The following KPNA3 variants were observed in gnomAD, a reference collection of about 807,000 sequenced individuals.
The protein encoded by KPNA3 is karyopherin subunit alpha 3.
In KPNA3, 13 loss-of-function variants were observed where a neutral mutation model predicts 73.8. The observed-to-expected ratio is 0.18, with a 90% confidence interval of 0.11 to 0.28. The LOEUF is 0.28. KPNA3 is among the 10% of genes least tolerant of loss of function. The pLI is 1.00. For missense variants in KPNA3, 360 were observed against 618.1 expected, an observed-to-expected ratio of 0.58 and a Z score of 4.43; for synonymous variants, 186 against 206.9, an observed-to-expected ratio of 0.90 and a Z score of 0.87.
At chr13:49,791,666 G>A (rs562854153) in intron 1 of KPNA3, among the ~76,000 whole-genome samples, 1 of 152,134 alleles carries the variant, frequency 6.6e-6, no homozygotes. Flanking sequence ...CTCCAAGAAA[G>A]GCTAAGAAAA....
chr13:49,745,216 G>C (rs986474270), intron 2 of KPNA3, among the ~76,000 whole-genome samples: 2 of 152,120 alleles, frequency 1.3e-5, no homozygotes, highest in Admixed American at 6.5e-5. Flanking sequence ...GAGCTACCTA[G>C]CCCGTGTATG....
intron 6 of KPNA3, among the ~76,000 whole-genome samples, chr13:49,730,619 T>C (rs544914299): frequency 2.0e-5 from 3 of 150,560 alleles, no homozygotes; most frequent in East Asian, 3.9e-4. Context: ...TATTTTATTT[T>C]ATTTTTATTA....
intron 1 of KPNA3, among the ~76,000 whole-genome samples, chr13:49,788,838 C>A (rs1315160701): frequency 1.3e-5 from 2 of 151,354 alleles, no homozygotes; most frequent in Non-Finnish European, 1.5e-5. Context: ...TACCCAAGCT[C>A]CAAATTTCTA....
At chr13:49,751,726 C>A (rs1380826179) in intron 1 of KPNA3, among the ~76,000 whole-genome samples, 1 of 152,112 alleles carries the variant, frequency 6.6e-6, no homozygotes, top group Non-Finnish European at 1.5e-5. Context: ...CTGTGCAACA[C>A]AGTGAGACCT....
At chr13:49,716,600 AG>A (rs1954306337) in intron 10 of KPNA3, among the ~76,000 whole-genome samples, 1 of 151,890 alleles carries the variant, frequency 6.6e-6, no homozygotes, top group Non-Finnish European at 1.5e-5. Flanking sequence ...CATGATGCCC[AG>A]CTAATTTTTG....
chr13:49,753,630 T>C (rs1045111215), intron 1 of KPNA3, among the ~76,000 whole-genome samples: 6 of 152,178 alleles, frequency 3.9e-5, no homozygotes, highest in Non-Finnish European at 4.4e-5. Context: ...ATATAGCCTG[T>C]TAGGAGCCAG....
At chr13:49,769,078 T>C (rs1268634763) in intron 1 of KPNA3, among the ~76,000 whole-genome samples, 2 of 152,188 alleles carry the variant, frequency 1.3e-5, no homozygotes, top group Admixed American at 1.3e-4. Flanking sequence ...TTTTGATCAC[T>C]CTCCAGTACC....
chr13:49,710,815 A>G (rs1954253307), intron 11 of KPNA3, 76 bp downstream of exon 11: 2 of 1,270,640 alleles, frequency 1.6e-6, no homozygotes, highest in Non-Finnish European at 2.2e-6. Flanking sequence ...AGATAGAATT[A>G]AAGCCTAGCT....
chr13:49,743,107 A>G (rs1263337432), intron 2 of KPNA3, among the ~76,000 whole-genome samples: 3 of 152,156 alleles, frequency 2.0e-5, no homozygotes, highest in Non-Finnish European at 4.4e-5. Flanking sequence ...CTTACAATCT[A>G]AGGGAAAATG....
chr13:49,760,803 T>C (rs985579088), intron 1 of KPNA3, among the ~76,000 whole-genome samples: 1 of 152,136 alleles, frequency 6.6e-6, no homozygotes, highest in African/African-American at 2.4e-5. Context: ...AGTAGACTGA[T>C]AGGGGAAGTT....
At chr13:49,768,567 ATTTTTTTTTTTTTTTT>A (rs67753113) in intron 1 of KPNA3, among the ~76,000 whole-genome samples, 1 of 64,888 alleles carries the variant, frequency 1.5e-5, no homozygotes, top group African/African-American at 6.2e-5. Context: ...GGGTTAATCA[ATTTTTTTTTTTTTTTT>A]TTTTTTTTTT....
intron 7 of KPNA3, among the ~76,000 whole-genome samples, chr13:49,723,767 G>A (rs1954382463): frequency 6.6e-6 from 1 of 151,052 alleles, no homozygotes; most frequent in African/African-American, 2.4e-5. Context: ...CTACTTGGGA[G>A]GGTGAGGCAG....
At chr13:49,720,778 G>T (rs986877582) in intron 9 of KPNA3, among the ~76,000 whole-genome samples, 5 of 150,272 alleles carry the variant, frequency 3.3e-5, no homozygotes, top group Non-Finnish European at 7.4e-5. Flanking sequence ...GTGAATAAAG[G>T]TTATGTAGGA....
At chr13:49,711,708 G>A (rs942939081) in intron 10 of KPNA3, among the ~76,000 whole-genome samples, 30 of 152,120 alleles carry the variant, frequency 2.0e-4, no homozygotes, top group African/African-American at 3.4e-4. Flanking sequence ...GCTTGGTGTC[G>A]TCACAGAGGA....
intron 1 of KPNA3, among the ~76,000 whole-genome samples, chr13:49,769,745 T>G (rs1284778301): frequency 6.6e-6 from 1 of 152,222 alleles, no homozygotes; most frequent in African/African-American, 2.4e-5. Flanking sequence ...CAAGCATTCA[T>G]GTACGTGTTT....
chr13:49,761,235 C>G (rs1232991700), intron 1 of KPNA3, among the ~76,000 whole-genome samples: 1 of 151,642 alleles, frequency 6.6e-6, no homozygotes, highest in African/African-American at 2.4e-5. Flanking sequence ...GTCTCCCTCT[C>G]CCTCTCCCCA....
intron 1 of KPNA3, among the ~76,000 whole-genome samples, chr13:49,777,887 A>C (rs1297361260): frequency 2.6e-5 from 4 of 152,182 alleles, no homozygotes; most frequent in Non-Finnish European, 5.9e-5. Context: ...TCTACTCATA[A>C]TAACTTATAA....
At chr13:49,705,073 G>A (rs1184671444) in intron 15 of KPNA3, among the ~76,000 whole-genome samples, 1 of 152,064 alleles carries the variant, frequency 6.6e-6, no homozygotes, top group African/African-American at 2.4e-5. Context: ...AAAATGCAAT[G>A]TCAGGCCAGG....
At chr13:49,741,662 C>T (rs768034372) in intron 2 of KPNA3, among the ~76,000 whole-genome samples, 64 of 152,140 alleles carry the variant, frequency 4.2e-4, no homozygotes, top group Non-Finnish European at 6.9e-4. Context: ...ACCCGTGTTA[C>T]CCAGGATGGT....
Sources: gnomAD v4.1 joint callset for allele counts (sites outside exome capture counted in the v4.1 genomes callset) on GRCh38, gnomAD v4.1.1 for gene constraint, MANE v1.5 for transcripts, NCBI Gene and HGNC (gene_info 2026-07-23, HGNC 2026-07-21) for gene names.